The following MB21D2 variants were observed in gnomAD, a reference collection of about 807,000 sequenced individuals.
The protein encoded by MB21D2 is Mab-21 domain containing 2.
MB21D2 carries 9 observed loss-of-function variants against 33.3 expected under a neutral mutation model. That is an observed-to-expected ratio of 0.27 (90% CI 0.16 to 0.47). The LOEUF (loss-of-function observed/expected upper bound fraction) is 0.47. MB21D2 is among the 20% of genes least tolerant of loss of function. MB21D2 has a pLI of 0.99. For synonymous variants in MB21D2, 241 were observed against 236.3 expected (o/e 1.02, Z -0.18); for missense variants, 540 against 624.6 (o/e 0.86, Z 1.44).
intron 1 of MB21D2, among the ~76,000 whole-genome samples, chr3:192,833,855 C>G (rs1712373733): frequency 6.6e-6 from 1 of 152,202 alleles, no homozygotes; most frequent in African/African-American, 2.4e-5. Context: ...TCTTCTCCTT[C>G]TAGGGAAAGG....
rs1560232761 is a variant in MB21D2 at position 192,828,591 on chromosome 3, CATATATATATATATATATATA to C, written c.212-28962_212-28942del. ...TATATACAATAAAACTCACCCCCCC[CATATATATATATATATATATA>C]TATATATATATATATATATATATAT... is the stretch of plus-strand genomic sequence containing the variant. On this transcript the variant is annotated intron_variant, in intron 1 of 1. Coordinates refer to ENST00000392452, the MANE Select transcript of MB21D2 (RefSeq NM_178496.4). 1.2e-3 allele frequency among the ~76,000 whole-genome samples: 66 copies of C among 54,142 alleles called. 5 individuals carry two copies. The highest frequency in any genetic ancestry group is 7.2e-3 in the South Asian group (9 of 1,258). 35.5% of individuals were successfully genotyped at this position (54,142 alleles called of 152,430 possible).
In MB21D2 at chr3:192,878,081, CTTT is replaced by C. The variant is rs11294126; in HGVS notation, c.211+39546_211+39548del. Among the ~76,000 whole-genome samples, 1,016 of 119,470 alleles carry C rather than the reference CTTT, an allele frequency of 8.5e-3. 3 individuals carry two copies. The highest frequency in any genetic ancestry group is 0.011 in the Admixed American group (117 of 10,446). 78.4% of individuals were successfully genotyped at this position (119,470 alleles called of 152,430 possible). On this transcript the variant is annotated intron_variant, in intron 1 of 1. Coordinates refer to ENST00000392452, the MANE Select transcript of MB21D2 (RefSeq NM_178496.4). Reference sequence around the variant, plus strand: ...GAAACATCTTCAAACAATTCCTCCTCTTTTTTTTTTTTTTTTTTTTGGTTTTTT... The same window carrying C: ...GAAACATCTTCAAACAATTCCTCCTCTTTTTTTTTTTTTTTTTGGTTTTTT...
At chr3:192,815,719 G>A (rs1711907345) in intron 1 of MB21D2, among the ~76,000 whole-genome samples, 2 of 152,212 alleles carry the variant, frequency 1.3e-5, no homozygotes, top group South Asian at 4.2e-4. Context: ...TGTACAATTG[G>A]GGAATTCATT....
At chr3:192,804,820 G>A (rs1001747726) in intron 1 of MB21D2, among the ~76,000 whole-genome samples, 1 of 152,176 alleles carries the variant, frequency 6.6e-6, no homozygotes, top group Non-Finnish European at 1.5e-5. Context: ...TATGGTTTAT[G>A]TTTCCAGGGT....
At chr3:192,862,413 G>A (rs1308163332) in intron 1 of MB21D2, among the ~76,000 whole-genome samples, 2 of 152,132 alleles carry the variant, frequency 1.3e-5, no homozygotes, top group African/African-American at 4.8e-5. Context: ...ATAAATTTGG[G>A]TTCAATAATA....
At chr3:192,892,772 C>G (rs1270077830) in intron 1 of MB21D2, among the ~76,000 whole-genome samples, 1 of 152,036 alleles carries the variant, frequency 6.6e-6, no homozygotes, top group African/African-American at 2.4e-5. Flanking sequence ...ACAGCTGGTA[C>G]GAGCAGACCC....
intron 1 of MB21D2, among the ~76,000 whole-genome samples, chr3:192,896,935 C>T (rs941653826): frequency 6.6e-5 from 10 of 152,058 alleles, no homozygotes; most frequent in Admixed American, 3.3e-4. Flanking sequence ...GCGGAAGAAA[C>T]GGCAGGCGAG....
At chr3:192,855,951 G>A (rs935919632) in intron 1 of MB21D2, among the ~76,000 whole-genome samples, 1 of 152,138 alleles carries the variant, frequency 6.6e-6, no homozygotes, top group Non-Finnish European at 1.5e-5. Context: ...CCAGCTATTC[G>A]GGGGCTGAGG....
chr3:192,801,875 T>C (rs1711568777), intron 1 of MB21D2, among the ~76,000 whole-genome samples: 1 of 152,240 alleles, frequency 6.6e-6, no homozygotes, highest in Non-Finnish European at 1.5e-5. Context: ...ACATTAACCA[T>C]GAAAAAGTCT....
chr3:192,845,601 T>C (rs1184530988), intron 1 of MB21D2, among the ~76,000 whole-genome samples: 1 of 152,246 alleles, frequency 6.6e-6, no homozygotes. Flanking sequence ...TTCCACACCC[T>C]AACGGGTTGA....
At chr3:192,811,284 A>T (rs1364747322) in intron 1 of MB21D2, among the ~76,000 whole-genome samples, 1 of 152,204 alleles carries the variant, frequency 6.6e-6, no homozygotes, top group Non-Finnish European at 1.5e-5. Context: ...CAATTGCTGT[A>T]TTCCCTCACT....
At chr3:192,910,002 A>G (rs1714309851) in intron 1 of MB21D2, among the ~76,000 whole-genome samples, 1 of 150,770 alleles carries the variant, frequency 6.6e-6, no homozygotes, top group Admixed American at 6.6e-5. Flanking sequence ...TAAGAGCCTA[A>G]GCAAAGAAAG....
In MB21D2 at chr3:192,827,486, C is replaced by G. The variant is rs1430093918; in HGVS notation, c.212-27836G>C. Among the ~76,000 whole-genome samples the G allele has an allele frequency of 2.6e-5, 4 of 152,204 alleles. No individual in the cohort carries two copies. The East Asian group carries it at 7.7e-4, about 29-fold the overall frequency. Reference sequence around the variant, plus strand: ...GCCCAGTGCTGACACTTAGAGAAGTCTATTGAAGCTGGAGAGGTACTCTAC... The same window carrying G: ...GCCCAGTGCTGACACTTAGAGAAGTGTATTGAAGCTGGAGAGGTACTCTAC... On this transcript the variant is annotated intron_variant, in intron 1 of 1. Coordinates refer to ENST00000392452, the MANE Select transcript of MB21D2 (RefSeq NM_178496.4).
At chr3:192,911,640 G>T (rs1714356610) in intron 1 of MB21D2, among the ~76,000 whole-genome samples, 1 of 151,828 alleles carries the variant, frequency 6.6e-6, no homozygotes, top group South Asian at 2.1e-4. Context: ...AAGGGGCTCA[G>T]CCTAACTGTG....
chr3:192,845,119 G>C (rs1219343510), intron 1 of MB21D2, among the ~76,000 whole-genome samples: 2 of 152,200 alleles, frequency 1.3e-5, no homozygotes, highest in African/African-American at 4.8e-5. Context: ...ACTTCCTTGG[G>C]AAACTCGGAA....
At chr3:192,889,278 T>G (rs539782216) in intron 1 of MB21D2, among the ~76,000 whole-genome samples, 1 of 152,040 alleles carries the variant, frequency 6.6e-6, no homozygotes, top group East Asian at 1.9e-4. Context: ...AGAGTACTTA[T>G]AACACATAAA....
intron 1 of MB21D2, among the ~76,000 whole-genome samples, chr3:192,857,138 G>A (rs546160261): frequency 6.6e-6 from 1 of 152,242 alleles, no homozygotes; most frequent in South Asian, 2.1e-4. Context: ...AATAGATTAA[G>A]AAACCCAGCT....
At chr3:192,858,832 T>C (rs1712975058) in intron 1 of MB21D2, among the ~76,000 whole-genome samples, 1 of 152,198 alleles carries the variant, frequency 6.6e-6, no homozygotes, top group African/African-American at 2.4e-5. Flanking sequence ...ATACAGGTAT[T>C]GCAATATAGG....
chr3:192,880,082 C>A (rs551015885), intron 1 of MB21D2, among the ~76,000 whole-genome samples: 3 of 152,078 alleles, frequency 2.0e-5, no homozygotes, highest in African/African-American at 7.2e-5. Flanking sequence ...CAGTGGCTCA[C>A]GTCTGTAATC....
Sources: gnomAD v4.1 joint callset for allele counts (sites outside exome capture counted in the v4.1 genomes callset) on GRCh38, gnomAD v4.1.1 for gene constraint, MANE v1.5 for transcripts, NCBI Gene and HGNC (gene_info 2026-07-23, HGNC 2026-07-21) for gene names.